Variants in MGAT4C observed in about 807,000 individuals in gnomAD.
MGAT4C encodes the protein alpha-1,3-mannosyl-glycoprotein 4-beta-N-acetylglucosaminyltransferase C.
A neutral mutation model predicts 40.1 loss-of-function variants in MGAT4C; 19 were observed. The ratio of observed to expected loss-of-function variants is 0.47; its 90% CI spans 0.33 to 0.70. The LOEUF (loss-of-function observed/expected upper bound fraction) is 0.70, where lower values mean the gene tolerates loss of function less well. MGAT4C is among the 30% of genes least tolerant of loss of function. The pLI, the probability that MGAT4C is intolerant of heterozygous loss-of-function variation, is 0.02. For synonymous variants in MGAT4C, 181 were observed against 187.1 expected, an observed-to-expected ratio of 0.97 and a Z score of 0.27; for missense variants, 491 against 563.2, an observed-to-expected ratio of 0.87 and a Z score of 1.30.
intron 2 of MGAT4C, among the ~76,000 whole-genome samples, chr12:86,538,662 C>T (rs1029375620): frequency 4.8e-5 from 7 of 145,686 alleles, no homozygotes; most frequent in South Asian, 4.3e-4. Context: ...GGCTGGAGTA[C>T]AGTGGCACTA....
intron 1 of MGAT4C, among the ~76,000 whole-genome samples, chr12:86,106,026 T>C (rs1876098389): frequency 6.6e-6 from 1 of 152,108 alleles, no homozygotes; most frequent in Non-Finnish European, 1.5e-5. Flanking sequence ...CCGAAAAAAA[T>C]TTTAGTGCTA....
chr12:86,166,253 A>C (rs1299625160), intron 1 of MGAT4C, among the ~76,000 whole-genome samples: 1 of 152,242 alleles, frequency 6.6e-6, no homozygotes, highest in East Asian at 1.9e-4. Context: ...AATAAAATGC[A>C]TCTTAAATTC....
chr12:86,311,608 GA>G (rs1284357447), intron 4 of MGAT4C, among the ~76,000 whole-genome samples: 4 of 152,150 alleles, frequency 2.6e-5, no homozygotes, highest in Non-Finnish European at 1.5e-5. Flanking sequence ...GGCATCACTG[GA>G]ATTGCAAAGG....
intron 1 of MGAT4C, among the ~76,000 whole-genome samples, chr12:86,797,351 T>C (rs1952142488): frequency 1.3e-5 from 2 of 151,912 alleles, no homozygotes; most frequent in South Asian, 4.1e-4. Context: ...TTTCAAGTTT[T>C]TTTTTTTACT....
chr12:86,310,638 C>T (rs1954049531), intron 4 of MGAT4C, among the ~76,000 whole-genome samples: 1 of 152,058 alleles, frequency 6.6e-6, no homozygotes, highest in African/African-American at 2.4e-5. Flanking sequence ...AAAAGTTAAG[C>T]AGGCCGGGCA....
rs1882829274 is a variant in MGAT4C at position 85,957,018 on chromosome 12, G to GT, written c.*22270dup. 1 of 152,128 alleles carries GT rather than the reference G, an allele frequency of 6.6e-6. No homozygotes were observed. Among genetic ancestry groups the GT allele is most frequent in the African/African-American group, 2.4e-5 (1 of 41,422 alleles). 9.4% of individuals were successfully genotyped at this position (152,128 alleles called of 1,614,324 possible). ...ATTTCATGGCTATGTGGAACCATTG[G>GT]TTGGACACATAAAATGAGAGTATGT... On this transcript the variant is annotated 3_prime_UTR_variant, in exon 5 of 5. Coordinates refer to ENST00000611864, the MANE Select transcript of MGAT4C (RefSeq NM_001351288.2).
intron 2 of MGAT4C, among the ~76,000 whole-genome samples, chr12:86,491,593 CA>C (rs1958136854): frequency 6.6e-6 from 1 of 152,032 alleles, no homozygotes; most frequent in Admixed American, 6.6e-5. Flanking sequence ...CAAAATTCAA[CA>C]ACGCTTCATG....
chr12:86,624,430 A>T (rs1482637358), intron 2 of MGAT4C, among the ~76,000 whole-genome samples: 1 of 152,192 alleles, frequency 6.6e-6, no homozygotes, highest in Non-Finnish European at 1.5e-5. Flanking sequence ...CCAACATACA[A>T]ACAGAGACCC....
chr12:86,001,517 C>A (rs1253698836), intron 2 of MGAT4C: 2 of 510,712 alleles, frequency 3.9e-6, no homozygotes, highest in Non-Finnish European at 5.0e-6. Flanking sequence ...GTCTTCACTT[C>A]TGGTTGATTG....
intron 2 of MGAT4C, among the ~76,000 whole-genome samples, chr12:86,552,175 T>C (rs558532997): frequency 6.6e-6 from 1 of 151,712 alleles, no homozygotes; most frequent in Admixed American, 6.6e-5. Flanking sequence ...CACAGAAAAA[T>C]ATAGACAGAA....
intron 2 of MGAT4C, among the ~76,000 whole-genome samples, chr12:86,683,513 T>G (rs929072507): frequency 6.6e-6 from 1 of 152,132 alleles, no homozygotes. Context: ...GACAAATACT[T>G]GTTCAATCCA....
Position 85,979,917 on chromosome 12 carries a change from G to T in MGAT4C, c.809C>A (p.Pro270Gln), listed in dbSNP as rs141479653. ...CATTAATAAAAAATGGGCCAAACGT[G>T]GGAGATCATGAGAATGATAGAGTTT... Reference protein sequence around the residue: ...IGKLYHSHDLPRLAHFLLMFY... With the variant: ...IGKLYHSHDLQRLAHFLLMFY... Residue 270 changes from proline (P) to glutamine (Q), a missense_variant, in exon 5 of 5, where the codon CCA (proline) becomes CAA (glutamine). Physicochemically the swap from Pro to Gln is moderately conservative, Grantham distance 76 (BLOSUM62 -1). Transcript: ENST00000611864. 25 of 1,613,594 alleles carry T rather than the reference G, an allele frequency of 1.5e-5. No homozygotes were observed. The highest frequency in any genetic ancestry group is 2.0e-5 in the Non-Finnish European group (24 of 1,179,804).
chr12:86,182,803 T>G (rs986536309), intron 1 of MGAT4C, among the ~76,000 whole-genome samples: 12 of 152,162 alleles, frequency 7.9e-5, no homozygotes, highest in African/African-American at 2.9e-4. Context: ...GGTCATGATA[T>G]ATACCAGTGA....
chr12:86,230,537 C>T (rs1236153613), intron 1 of MGAT4C, among the ~76,000 whole-genome samples: 2 of 152,024 alleles, frequency 1.3e-5, no homozygotes, highest in African/African-American at 2.4e-5. Context: ...AGTCATCTTC[C>T]GGAGGAAACA....
intron 2 of MGAT4C, among the ~76,000 whole-genome samples, chr12:86,649,578 C>T (rs533091461): frequency 3.9e-4 from 59 of 151,780 alleles, no homozygotes; most frequent in Non-Finnish European, 7.5e-4. Context: ...TAAAGCAGGT[C>T]GATGCTGTTG....
intron 2 of MGAT4C, among the ~76,000 whole-genome samples, chr12:86,515,932 G>GCCC (rs1192803223): frequency 1.3e-5 from 2 of 151,848 alleles, no homozygotes; most frequent in Non-Finnish European, 2.9e-5. Flanking sequence ...TTTTAGTAGA[G>GCCC]ACGGGGTTTC....
At chr12:86,165,930 T>C (rs986231060) in intron 1 of MGAT4C, among the ~76,000 whole-genome samples, 3 of 152,150 alleles carry the variant, frequency 2.0e-5, no homozygotes, top group Non-Finnish European at 4.4e-5. Flanking sequence ...ATGTCAACAT[T>C]TGAAACAGCT....
intron 1 of MGAT4C, among the ~76,000 whole-genome samples, chr12:86,218,793 A>G (rs953497284): frequency 2.0e-5 from 3 of 152,316 alleles, no homozygotes; most frequent in African/African-American, 4.8e-5. Flanking sequence ...AATGAACTCT[A>G]TAAGACTGAT....
intron 1 of MGAT4C, among the ~76,000 whole-genome samples, chr12:86,777,144 T>A (rs926259225): frequency 6.6e-6 from 1 of 152,174 alleles, no homozygotes; most frequent in African/African-American, 2.4e-5. Flanking sequence ...TCTTTTAAAT[T>A]TTTTTAATGT....
Sources: allele counts gnomAD v4.1 joint callset (sites outside exome capture counted in the v4.1 genomes callset), GRCh38; gene constraint gnomAD v4.1.1; transcripts MANE v1.5; gene names NCBI Gene and HGNC (gene_info 2026-07-23, HGNC 2026-07-21).